IGF2BP3: variants seen among roughly 807,000 people sequenced by gnomAD.
IGF2BP3 encodes the protein insulin like growth factor 2 mRNA binding protein 3, also known as insulin-like growth factor 2 mRNA-binding protein 3.
IGF2BP3 carries 9 observed loss-of-function variants against 73.8 expected under a neutral mutation model. The ratio of observed to expected loss-of-function variants is 0.12; its 90% CI spans 0.07 to 0.21. The LOEUF (loss-of-function observed/expected upper bound fraction) is 0.21, where lower values mean the gene tolerates loss of function less well. IGF2BP3 is among the 10% of genes least tolerant of loss of function. The pLI, the probability that IGF2BP3 is intolerant of heterozygous loss-of-function variation, is 1.00. For synonymous variants in IGF2BP3, 258 were observed against 256.7 expected (o/e 1.01, Z -0.05); for missense variants, 542 against 714.0 (o/e 0.76, Z 2.75).
chr7:23,321,205 G>A (rs951739307), intron 10 of IGF2BP3, among the ~76,000 whole-genome samples: 29 of 152,188 alleles, frequency 1.9e-4, no homozygotes, highest in Admixed American at 6.5e-5. Context: ...GCGCAGGTCA[G>A]TGGGTGCATG....
At chr7:23,355,595 G>A (rs533966649) in intron 5 of IGF2BP3, among the ~76,000 whole-genome samples, 1 of 152,092 alleles carries the variant, frequency 6.6e-6, no homozygotes, top group South Asian at 2.1e-4. Flanking sequence ...CTGAGAAGAT[G>A]ATGAGTAATT....
intron 6 of IGF2BP3, among the ~76,000 whole-genome samples, chr7:23,348,232 A>G (rs1784878972): frequency 6.6e-6 from 1 of 152,234 alleles, no homozygotes; most frequent in Non-Finnish European, 1.5e-5. Context: ...TTGATAGAGG[A>G]AAGTCTGCAA....
chr7:23,313,393 T>C (rs1783887312), intron 13 of IGF2BP3, 129 bp downstream of exon 13: 1 of 1,007,198 alleles, frequency 9.9e-7, no homozygotes, highest in East Asian at 2.4e-5. Flanking sequence ...AAAGGCAATC[T>C]TCTCCAAACC....
intron 3 of IGF2BP3, among the ~76,000 whole-genome samples, chr7:23,408,978 G>C (rs551474623): frequency 4.6e-5 from 7 of 151,640 alleles, no homozygotes; most frequent in Middle Eastern, 3.4e-3. Flanking sequence ...AGTGGGGATG[G>C]GGGGGATGGC....
At chr7:23,361,791 T>C in intron 3 of IGF2BP3, 50 bp from the exon 4 acceptor site, 1 of 1,492,554 alleles carries the variant, frequency 6.7e-7, no homozygotes, top group Non-Finnish European at 9.2e-7. Context: ...CCCAAGTTAT[T>C]ATCAAGGGCA....
At chr7:23,314,317 G>T (rs941075300) in intron 12 of IGF2BP3, among the ~76,000 whole-genome samples, 1 of 151,914 alleles carries the variant, frequency 6.6e-6, no homozygotes. Flanking sequence ...TGAGTAGCTG[G>T]GACTACAGGC....
Position 23,347,722 on chromosome 7 carries a change from G to A in IGF2BP3, c.696C>T (p.His232=), listed in dbSNP as rs1216761774. The A allele has an allele frequency of 2.5e-6, 4 of 1,614,012 alleles. No homozygotes were observed. The Middle Eastern group carries it at 4.9e-4, about 200-fold the overall frequency. The part of the protein sequence containing the change: ...TKQTQSKIDV[H]RKENAGAAEK... ...CAGCAGCCCCCGCATTTTCTTTACGGTGGACATCGATTCTGATAGTGGGCG... is the reference window on the plus strand; with the variant it reads ...CAGCAGCCCCCGCATTTTCTTTACGATGGACATCGATTCTGATAGTGGGCG... The change falls in exon 7 of 15, where the codon CAC becomes CAT. Residue 232 remains histidine, a synonymous_variant. Coordinates refer to ENST00000258729, the MANE Select transcript of IGF2BP3 (RefSeq NM_006547.3).
chr7:23,427,322 A>C (rs565608185), intron 2 of IGF2BP3, among the ~76,000 whole-genome samples: 16 of 152,304 alleles, frequency 1.1e-4, no homozygotes, highest in African/African-American at 3.4e-4. Context: ...TCCCTATAGG[A>C]AACTCAATAA....
At position 23,423,002 on chromosome 7, in the gene IGF2BP3, C is replaced by T. The variant is rs183711178; in HGVS notation, c.237-4178G>A. On this transcript the variant is annotated intron_variant, in intron 2 of 14. Coordinates refer to ENST00000258729, the MANE Select transcript of IGF2BP3 (RefSeq NM_006547.3). Reference sequence around the variant, plus strand: ...GTTGGCCAGGCTGGTCTCAAATACCCGATCTCAAGTGATCTGCCCGCCTCA... The same window carrying T: ...GTTGGCCAGGCTGGTCTCAAATACCTGATCTCAAGTGATCTGCCCGCCTCA... Among the ~76,000 whole-genome samples, 376 of 152,266 alleles carry T rather than the reference C, an allele frequency of 2.5e-3. 2 individuals are homozygous for T. The highest frequency in any genetic ancestry group is 8.3e-3 in the African/African-American group (343 of 41,550).
At chr7:23,407,018 C>A (rs1055301027) in intron 3 of IGF2BP3, among the ~76,000 whole-genome samples, 20 of 151,866 alleles carry the variant, frequency 1.3e-4, no homozygotes, top group Non-Finnish European at 2.9e-4. Flanking sequence ...ATCAATAAAA[C>A]AGATAAAGCT....
intron 3 of IGF2BP3, among the ~76,000 whole-genome samples, chr7:23,378,239 G>GGA (rs1465179731): frequency 1.3e-5 from 2 of 151,848 alleles, no homozygotes; most frequent in Non-Finnish European, 2.9e-5. Context: ...GTTGCCATTG[G>GGA]GAGAAAGACT....
intron 6 of IGF2BP3, among the ~76,000 whole-genome samples, chr7:23,351,102 G>A (rs1355990509): frequency 2.0e-5 from 3 of 152,046 alleles, no homozygotes; most frequent in Admixed American, 1.3e-4. Context: ...AAAATCTGAC[G>A]TTCCCTTTGA....
chr7:23,409,766 A>T (rs2128530381), intron 3 of IGF2BP3, among the ~76,000 whole-genome samples: 1 of 152,364 alleles, frequency 6.6e-6, no homozygotes, highest in East Asian at 1.9e-4. Context: ...AGACAATAGG[A>T]GAAAACCTTC....
chr7:23,368,598 G>A (rs189066074), intron 3 of IGF2BP3, among the ~76,000 whole-genome samples: 41 of 152,014 alleles, frequency 2.7e-4, no homozygotes, highest in Admixed American at 7.2e-4. Flanking sequence ...ATGGTTGCAC[G>A]TATCTATTAA....
intron 14 of IGF2BP3, 68 bp downstream of exon 14, chr7:23,312,667 A>G: frequency 1.8e-6 from 2 of 1,113,286 alleles, no homozygotes; most frequent in Non-Finnish European, 2.7e-6. Context: ...TCTATCAGGT[A>G]GGAGCACCTG....
intron 2 of IGF2BP3, among the ~76,000 whole-genome samples, chr7:23,449,686 T>C (rs1444123823): frequency 6.6e-6 from 1 of 150,978 alleles, no homozygotes; most frequent in Non-Finnish European, 1.5e-5. Flanking sequence ...GCCTCCTGAG[T>C]AGCTGGGACC....
Position 23,380,680 on chromosome 7 carries a change from C to T in IGF2BP3, c.286-18939G>A, listed in dbSNP as rs377580553. On this transcript the variant is annotated intron_variant, in intron 3 of 14. Transcript: ENST00000258729. ...GGATGAATAGCGCCCTTTAAAAATT[C>T]ACCAGTACCTCTGAATATAGCTCTA... Among the ~76,000 whole-genome samples the T allele has an allele frequency of 1.8e-4, 27 of 152,324 alleles. 1 individual carries two copies. Among genetic ancestry groups the T allele is most frequent in the Admixed American group, 9.2e-4 (14 of 15,296 alleles).
At chr7:23,420,551 C>A (rs901805282) in intron 2 of IGF2BP3, among the ~76,000 whole-genome samples, 4 of 151,884 alleles carry the variant, frequency 2.6e-5, no homozygotes, top group Non-Finnish European at 5.9e-5. Flanking sequence ...CTTCTCTTTC[C>A]AGGTCAAATA....
intron 2 of IGF2BP3, among the ~76,000 whole-genome samples, chr7:23,460,201 AAC>A (rs1788416031): frequency 2.0e-5 from 3 of 147,032 alleles, no homozygotes; most frequent in Admixed American, 1.4e-4. Context: ...AAAAAACAAA[AAC>A]GAAAGTGAGC....
Sources: allele counts gnomAD v4.1 joint callset (sites outside exome capture counted in the v4.1 genomes callset), GRCh38; gene constraint gnomAD v4.1.1; transcripts MANE v1.5; gene names NCBI Gene and HGNC (gene_info 2026-07-23, HGNC 2026-07-21).